Variants in TMEM120B observed in about 807,000 individuals in gnomAD.
The protein encoded by TMEM120B is transmembrane protein 120B.
Under a neutral mutation model 55.5 loss-of-function variants are expected in TMEM120B, and 31 were observed. The ratio of observed to expected loss-of-function variants is 0.56; its 90% CI spans 0.42 to 0.75. The LOEUF (loss-of-function observed/expected upper bound fraction) is 0.75. TMEM120B is among the 30% of genes least tolerant of loss of function. The pLI is 0.00. For missense variants in TMEM120B, 399 were observed against 425.5 expected, an observed-to-expected ratio of 0.94 and a Z score of 0.55; for synonymous variants, 203 against 176.3, an observed-to-expected ratio of 1.15 and a Z score of -1.20.
intron 8 of TMEM120B, among the ~76,000 whole-genome samples, chr12:121,773,147 T>C (rs1282416739): frequency 6.6e-6 from 1 of 152,260 alleles, no homozygotes; most frequent in African/African-American, 2.4e-5. Flanking sequence ...GTCTACTGCA[T>C]GGAAAATTCC....
chr12:121,714,366 C>T (rs1468781331), intron 1 of TMEM120B, among the ~76,000 whole-genome samples: 1 of 151,762 alleles, frequency 6.6e-6, no homozygotes, highest in South Asian at 2.1e-4. Context: ...GAGCCATTCT[C>T]TGCCTCAGCC....
In TMEM120B at chr12:121,761,664, C is replaced by T. The variant is rs1456533305; in HGVS notation, c.477C>T (p.Val159=). Residue 159 remains valine (V), a synonymous_variant, in exon 6 of 12, where the codon GTC becomes GTT. Transcript: ENST00000449592. Reference sequence around the variant, plus strand: ...CCTTGCACAGGGTGACTGACGAAGTCTTCAACTTCCTGCTGGTGTGGTATT... The same window carrying T: ...CCTTGCACAGGGTGACTGACGAAGTTTTCAACTTCCTGCTGGTGTGGTATT... ...FVLHYRVTDE[V]FNFLLVWYYC... The T allele has an allele frequency of 4.3e-6, 7 of 1,613,808 alleles. No homozygotes were observed. The highest frequency in any genetic ancestry group is 5.9e-6 in the Non-Finnish European group (7 of 1,179,890).
intron 6 of TMEM120B, 150 bp downstream of exon 6, chr12:121,761,888 G>A (rs1442139759): frequency 1.1e-5 from 7 of 616,744 alleles, no homozygotes; most frequent in Non-Finnish European, 2.0e-5. Flanking sequence ...AAGGAGGAAA[G>A]CTGATGCTGT....
chr12:121,781,388 T>G lies in TMEM120B; in HGVS notation c.*5666T>G. The stretch of plus-strand genomic sequence containing the variant: ...CGGGAGGCTGAGGCCGGAGGATCGC[T>G]TGAGCCCAGGAGGTCAAGGCTACAG... On this transcript the variant is annotated 3_prime_UTR_variant, in exon 12 of 12. Coordinates refer to ENST00000449592, the MANE Select transcript of TMEM120B (RefSeq NM_001080825.2). The G allele has an allele frequency of 8.9e-6, 5 of 562,684 alleles. No individual in the cohort carries two copies. The South Asian group carries it at 1.0e-4, about 11-fold the overall frequency. 34.9% of individuals were successfully genotyped at this position (562,684 alleles called of 1,614,324 possible).
At chr12:121,734,392 G>A (rs955410763) in intron 1 of TMEM120B, among the ~76,000 whole-genome samples, 6 of 151,116 alleles carry the variant, frequency 4.0e-5, no homozygotes, top group African/African-American at 1.5e-4. Context: ...CTGAGTAGCT[G>A]GCATTACAGG....
chr12:121,728,102 G>A (rs892563344), intron 1 of TMEM120B, among the ~76,000 whole-genome samples: 3 of 151,426 alleles, frequency 2.0e-5, no homozygotes, highest in African/African-American at 2.4e-5. Flanking sequence ...CTGCCTTCCG[G>A]GTTCAAGTGA....
rs1894880182 is a variant in TMEM120B, at chr12:121,725,935, G to C, written c.69+12971G>C. 2.6e-5 allele frequency among the ~76,000 whole-genome samples: 4 copies of C among 151,686 alleles called. No individual in the cohort carries two copies. In the South Asian group the frequency reaches 8.3e-4, roughly 32 times the overall value. ...ACCTGTAGTCCCAGCTACTGAGGAG[G>C]CTGAGGCAGGAGAATGGCTTGAACC... On this transcript the variant is annotated intron_variant, in intron 1 of 11. Coordinates refer to ENST00000449592, the MANE Select transcript of TMEM120B (RefSeq NM_001080825.2).
chr12:121,770,616 G>C lies in TMEM120B; in HGVS notation c.552-291G>C, dbSNP rs80320137. ...GCTGGGGAGAGGACCAGGTGGGGAGGACAGGAGTGAGGCTTGAAGGCAGGT... is the reference window on the plus strand; with the variant it reads ...GCTGGGGAGAGGACCAGGTGGGGAGCACAGGAGTGAGGCTTGAAGGCAGGT... On this transcript the variant is annotated intron_variant, in intron 6 of 11. Coordinates refer to ENST00000449592, the MANE Select transcript of TMEM120B (RefSeq NM_001080825.2). Among the ~76,000 whole-genome samples the C allele has an allele frequency of 1.7e-3, 259 of 152,162 alleles. 2 individuals carry two copies. Among genetic ancestry groups the C allele is most frequent in the African/African-American group, 5.6e-3 (232 of 41,512 alleles).
At chr12:121,714,597 C>T (rs574451763) in intron 1 of TMEM120B, among the ~76,000 whole-genome samples, 2 of 128,004 alleles carry the variant, frequency 1.6e-5, no homozygotes, top group African/African-American at 6.0e-5. Flanking sequence ...GAGTCTTGCT[C>T]TGTCACCAGA....
At chr12:121,719,418 C>G (rs1278086365) in intron 1 of TMEM120B, among the ~76,000 whole-genome samples, 1 of 151,972 alleles carries the variant, frequency 6.6e-6, no homozygotes, top group Non-Finnish European at 1.5e-5. Flanking sequence ...GACCCTGACT[C>G]TACAAAAAAC....
At chr12:121,733,244 A>ATTCTT in intron 1 of TMEM120B, among the ~76,000 whole-genome samples, 1 of 152,062 alleles carries the variant, frequency 6.6e-6, no homozygotes, top group South Asian at 2.1e-4. Context: ...GTATCCATAT[A>ATTCTT]TTCTTTTTTT....
chr12:121,729,036 T>C (rs1426150564), intron 1 of TMEM120B, among the ~76,000 whole-genome samples: 2 of 152,204 alleles, frequency 1.3e-5, no homozygotes, highest in East Asian at 3.8e-4. Context: ...CCATGTGCTC[T>C]CTCCTGGAGC....
rs1874322540 is a variant in TMEM120B at position 121,778,470 on chromosome 12, A to AAAAAAAT, written c.*2749_*2750insAAAAATA. On this transcript the variant is annotated 3_prime_UTR_variant, in exon 12 of 12. Coordinates refer to ENST00000449592, the MANE Select transcript of TMEM120B (RefSeq NM_001080825.2). ...TGTCCCAAAAAAAAAAAAAAAAAAA[A>AAAAAAAT]ATTCCCAGACCCTCGGCCCCAGACC... is the stretch of plus-strand genomic sequence containing the variant. The AAAAAAAT allele has an allele frequency of 6.6e-6, 1 of 152,202 alleles. No individual in the cohort carries two copies. Among genetic ancestry groups the AAAAAAAT allele is most frequent in the Admixed American group, 6.6e-5 (1 of 15,152 alleles). 9.4% of individuals were successfully genotyped at this position (152,202 alleles called of 1,614,324 possible). A position where few individuals can be genotyped will look rare whatever the true frequency, so the allele number is the denominator to read the frequency against.
chr12:121,723,009 C>T (rs542311457), intron 1 of TMEM120B, among the ~76,000 whole-genome samples: 27 of 151,964 alleles, frequency 1.8e-4, no homozygotes, highest in Non-Finnish European at 2.2e-4. Context: ...CCTCCACACC[C>T]GGCTAATTTT....
At chr12:121,748,571 A>G (rs1250895832) in intron 3 of TMEM120B, 129 bp downstream of exon 3, 1 of 627,494 alleles carries the variant, frequency 1.6e-6, no homozygotes, top group Non-Finnish European at 2.8e-6. Flanking sequence ...AGGGCAGGAG[A>G]GATAAGGAGC....
chr12:121,750,550 C>T, intron 4 of TMEM120B, 111 bp downstream of exon 4: 5 of 782,636 alleles, frequency 6.4e-6, no homozygotes, highest in Non-Finnish European at 8.5e-6. Flanking sequence ...ACACCCACAC[C>T]AACACCCCAC....
chr12:121,750,807 T>C (rs1592938231), intron 4 of TMEM120B, among the ~76,000 whole-genome samples: 1 of 50,710 alleles, frequency 2.0e-5, no homozygotes, highest in African/African-American at 7.9e-5. Context: ...CCACACCCCA[T>C]ACACAACACC....
rs527276582 is a variant in TMEM120B, at chr12:121,756,688, G to T, written c.461+4465G>T. Among the ~76,000 whole-genome samples, 13 of 152,338 alleles carry T rather than the reference G, an allele frequency of 8.5e-5. No individual in the cohort carries two copies. In the South Asian group the frequency reaches 2.3e-3, roughly 27 times the overall value. On this transcript the variant is annotated intron_variant, in intron 5 of 11. Coordinates refer to ENST00000449592, the MANE Select transcript of TMEM120B (RefSeq NM_001080825.2). ...ACTGTAAGGGCCCTGGGGGCAAAATGAAAGGAGGATGCAACTGCTTTGAAG... is the reference window on the plus strand; with the variant it reads ...ACTGTAAGGGCCCTGGGGGCAAAATTAAAGGAGGATGCAACTGCTTTGAAG...
At chr12:121,754,746 C>G (rs1259446301) in intron 5 of TMEM120B, among the ~76,000 whole-genome samples, 1 of 152,182 alleles carries the variant, frequency 6.6e-6, no homozygotes, top group African/African-American at 2.4e-5. Flanking sequence ...GACCCTGTTT[C>G]CAAATAAGGT....
Sources: allele counts gnomAD v4.1 joint callset (sites outside exome capture counted in the v4.1 genomes callset), GRCh38; gene constraint gnomAD v4.1.1; transcripts MANE v1.5; gene names NCBI Gene and HGNC (gene_info 2026-07-23, HGNC 2026-07-21).